ZPBP: variants seen among roughly 807,000 people sequenced by gnomAD.
ZPBP encodes zona pellucida-binding protein 1.
In ZPBP, 26 loss-of-function variants were observed where a neutral mutation model predicts 44.8. The observed-to-expected ratio is 0.58, with a 90% CI of 0.43 to 0.81. The LOEUF is 0.81. Among genes scored for constraint, ZPBP ranks in the 30% least tolerant of loss-of-function variants. ZPBP has a pLI of 0.00. For synonymous variants in ZPBP, 174 were observed against 153.2 expected (o/e 1.14, Z -1.00); for missense variants, 409 against 434.0 (o/e 0.94, Z 0.51).
At chr7:50,023,604 A>G (rs1436400226) in intron 5 of ZPBP, among the ~76,000 whole-genome samples, 2 of 151,970 alleles carry the variant, frequency 1.3e-5, no homozygotes, top group African/African-American at 4.8e-5. Flanking sequence ...CACACACACA[A>G]AAATGGAAAA....
intron 3 of ZPBP, among the ~76,000 whole-genome samples, chr7:50,072,473 T>C (rs1317152785): frequency 6.6e-6 from 1 of 152,238 alleles, no homozygotes; most frequent in African/African-American, 2.4e-5. Context: ...CTTTACTTCC[T>C]GCTGATTGGA....
chr7:49,966,868 T>C (rs1444727735), intron 7 of ZPBP, among the ~76,000 whole-genome samples: 1 of 152,016 alleles, frequency 6.6e-6, no homozygotes, highest in Non-Finnish European at 1.5e-5. Flanking sequence ...CATCTAATGG[T>C]GTAAATTCCC....
chr7:49,878,306 A>G (rs1415681817), intron 2 of ZPBP, among the ~76,000 whole-genome samples: 1 of 152,116 alleles, frequency 6.6e-6, no homozygotes, highest in Non-Finnish European at 1.5e-5. Flanking sequence ...TCACATATTT[A>G]TGATTGTGTG....
intron 3 of ZPBP, among the ~76,000 whole-genome samples, chr7:50,079,017 C>G (rs1802240221): frequency 6.6e-6 from 1 of 151,464 alleles, no homozygotes; most frequent in East Asian, 1.9e-4. Context: ...CAACCAACAT[C>G]AGGAGTGAAT....
chr7:49,978,339 T>C (rs902526295), intron 7 of ZPBP, among the ~76,000 whole-genome samples: 1 of 151,904 alleles, frequency 6.6e-6, no homozygotes, highest in African/African-American at 2.4e-5. Flanking sequence ...CAAAATGTTG[T>C]ACATTATAAG....
chr7:50,048,994 G>A (rs982031000), intron 4 of ZPBP, among the ~76,000 whole-genome samples: 16 of 151,748 alleles, frequency 1.1e-4, no homozygotes, highest in Non-Finnish European at 2.2e-4. Flanking sequence ...AAAAAGGGGA[G>A]AGACTACTGA....
chr7:50,006,221 A>G (rs970465786), intron 6 of ZPBP, among the ~76,000 whole-genome samples: 4 of 151,978 alleles, frequency 2.6e-5, no homozygotes, highest in African/African-American at 9.7e-5. Flanking sequence ...CAGAACAACC[A>G]TAAAGATTAG....
intron 4 of ZPBP, among the ~76,000 whole-genome samples, chr7:50,057,041 C>T (rs1800975939): frequency 6.6e-6 from 1 of 151,946 alleles, no homozygotes; most frequent in Non-Finnish European, 1.5e-5. Context: ...AAAAATTAGC[C>T]AGGCGTGGTG....
intron 6 of ZPBP, among the ~76,000 whole-genome samples, chr7:50,015,068 G>A (rs1798759654): frequency 1.3e-5 from 2 of 151,950 alleles, no homozygotes; most frequent in Admixed American, 1.3e-4. Flanking sequence ...TTTTACATAT[G>A]CCAATATACT....
At chr7:49,944,022 A>G in intron 7 of ZPBP, 1 of 265,082 alleles carries the variant, frequency 3.8e-6, no homozygotes, top group Non-Finnish European at 7.6e-6. Context: ...ATGTAGTTTT[A>G]AAACTTTCAG....
intron 7 of ZPBP, among the ~76,000 whole-genome samples, chr7:49,967,866 G>A (rs1395157478): frequency 6.6e-6 from 1 of 152,106 alleles, no homozygotes; most frequent in Non-Finnish European, 1.5e-5. Context: ...CACAGTGTGA[G>A]TATATTTTGC....
In ZPBP at chr7:50,058,019, T is replaced by C. The variant is rs1482379376; in HGVS notation, c.457A>G (p.Lys153Glu). 1.2e-6 allele frequency: 2 copies of C among 1,612,382 alleles called. No homozygotes were observed. Among genetic ancestry groups the C allele is most frequent in the South Asian group, 1.1e-5 (1 of 91,000 alleles). ...EYKPTVEEIV[K>E]RLQLKYAIYA... is the part of the protein sequence containing the mutation. ...ATAGCATATTTTAGTTGAAGACGTT[T>C]AACAATTTCTTCCACAGTAGGTTTA... is the stretch of plus-strand genomic sequence containing the variant. The change falls in exon 4 of 8, where the codon AAA (lysine) becomes GAA (glutamate). Residue 153 changes from lysine to glutamate, a missense_variant. This residue lies in a region of ZPBP where 367 missense variants were observed against 363.1 expected (regional missense o/e 1.01). Transcript: ENST00000046087.
chr7:49,980,973 G>A (rs970360431), intron 7 of ZPBP, among the ~76,000 whole-genome samples: 1 of 150,778 alleles, frequency 6.6e-6, no homozygotes, highest in African/African-American at 2.4e-5. Context: ...TCTTTGATTT[G>A]GCTAGAGTTA....
chr7:50,057,957 A>G (rs770636046), intron 4 of ZPBP, 32 bp downstream of exon 4: 1 of 1,582,012 alleles, frequency 6.3e-7, no homozygotes. Flanking sequence ...ATCATTAAGA[A>G]AGGTTAAAAC....
chr7:50,057,454 G>T lies in ZPBP; in HGVS notation c.487+535C>A, dbSNP rs983921496. The stretch of plus-strand genomic sequence containing the variant: ...CTCTGACCTAACTCGGCCAGAAGGC[G>T]TCTCTCAGGTTTCTTTTCTCTAAAA... On this transcript the variant is annotated intron_variant, in intron 4 of 7. Transcript: ENST00000046087. 3.3e-5 allele frequency among the ~76,000 whole-genome samples: 5 copies of T among 152,098 alleles called. No individual in the cohort carries two copies. The South Asian group carries it at 1.0e-3, about 32-fold the overall frequency.
chr7:50,027,944 C>A (rs1167334941), intron 5 of ZPBP, among the ~76,000 whole-genome samples: 2 of 151,778 alleles, frequency 1.3e-5, no homozygotes, highest in East Asian at 1.9e-4. Context: ...AAAGAAAAAA[C>A]CAGAACCCAA....
rs1158753239 is a variant in ZPBP at position 50,073,942 on chromosome 7, T to C, written c.334+7832A>G. ...TTAGAAAGAAAAGAAAATTAATGAGTAATAAATAATCACCTGAAGGTACAA... is the reference window on the plus strand; with the variant it reads ...TTAGAAAGAAAAGAAAATTAATGAGCAATAAATAATCACCTGAAGGTACAA... On this transcript the variant is annotated intron_variant, in intron 3 of 7. Coordinates refer to ENST00000046087, the MANE Select transcript of ZPBP (RefSeq NM_007009.3). Among the ~76,000 whole-genome samples the C allele has an allele frequency of 4.6e-5, 7 of 151,862 alleles. No homozygotes were observed. The East Asian group carries it at 1.4e-3, about 29-fold the overall frequency.
At chr7:50,092,640 T>G (rs559714358) in intron 1 of ZPBP, among the ~76,000 whole-genome samples, 3 of 152,328 alleles carry the variant, frequency 2.0e-5, no homozygotes, top group Admixed American at 2.0e-4. Flanking sequence ...ATCGCATTAT[T>G]TCCTGTATTT....
chr7:49,969,628 G>C (rs1251506493), intron 7 of ZPBP, among the ~76,000 whole-genome samples: 1 of 151,534 alleles, frequency 6.6e-6, no homozygotes, highest in Non-Finnish European at 1.5e-5. Context: ...AACCTGATTA[G>C]AAAAGTATGA....
Sources: gnomAD v4.1 joint callset for allele counts (sites outside exome capture counted in the v4.1 genomes callset) on GRCh38, gnomAD v4.1.1 for gene constraint, gnomAD v4.1.1 regional missense constraint, MANE v1.5 for transcripts, NCBI Gene and HGNC (gene_info 2026-07-23, HGNC 2026-07-21) for gene names.